The following FSTL4 variants were observed in gnomAD, a reference collection of about 807,000 sequenced individuals.
FSTL4 encodes follistatin like 4, also known as follistatin-related protein 4.
Under a neutral mutation model 78.2 loss-of-function variants are expected in FSTL4, and 28 were observed. That is an observed-to-expected ratio of 0.36 (90% CI 0.27 to 0.49). The LOEUF is 0.49. Among genes scored for constraint, FSTL4 ranks in the 20% least tolerant of loss-of-function variants. The pLI, the probability that FSTL4 is intolerant of heterozygous loss-of-function variation, is 0.98. For missense variants in FSTL4, 922 were observed against 1,084.9 expected, an observed-to-expected ratio of 0.85 and a Z score of 2.11; for synonymous variants, 422 against 440.5, an observed-to-expected ratio of 0.96 and a Z score of 0.53.
intron 3 of FSTL4, among the ~76,000 whole-genome samples, chr5:133,562,646 C>T (rs969417127): frequency 2.6e-5 from 4 of 152,172 alleles, no homozygotes; most frequent in African/African-American, 9.7e-5. Context: ...AGGGCTGGAA[C>T]ATGTGCGGGA....
At chr5:133,707,243 T>A in the FSTL4 span, among the ~76,000 whole-genome samples, 1 of 152,118 alleles carries the variant, frequency 6.6e-6, no homozygotes, top group East Asian at 1.9e-4. Flanking sequence ...TCCTCCAGGA[T>A]CCTGCCCACC....
At chr5:133,389,472 C>T (rs1755786738) in intron 4 of FSTL4, among the ~76,000 whole-genome samples, 1 of 152,216 alleles carries the variant, frequency 6.6e-6, no homozygotes, top group South Asian at 2.1e-4. Flanking sequence ...AGCAAGCTCA[C>T]TCTCTGCGGA....
chr5:133,675,946 A>G, the FSTL4 span, among the ~76,000 whole-genome samples: 1 of 152,062 alleles, frequency 6.6e-6, no homozygotes, highest in East Asian at 1.9e-4. Context: ...AGGCCCTGGG[A>G]CCAATGGGAA....
chr5:133,368,852 T>G (rs1755230769), intron 4 of FSTL4, among the ~76,000 whole-genome samples: 2 of 152,212 alleles, frequency 1.3e-5, no homozygotes, highest in Admixed American at 6.5e-5. Flanking sequence ...ACTGTGGACA[T>G]GTTGGTTTGT....
chr5:133,311,830 A>G (rs946363790), intron 6 of FSTL4, among the ~76,000 whole-genome samples: 2 of 152,200 alleles, frequency 1.3e-5, no homozygotes, highest in African/African-American at 4.8e-5. Context: ...CACTTTAAGC[A>G]GAGCTTGAAC....
At chr5:133,368,086 C>T (rs1215875973) in intron 4 of FSTL4, among the ~76,000 whole-genome samples, 2 of 152,244 alleles carry the variant, frequency 1.3e-5, no homozygotes, top group African/African-American at 4.8e-5. Flanking sequence ...GAGGGGATTG[C>T]TAAGCCCTTG....
At chr5:133,206,464 C>T (rs367810996) in intron 14 of FSTL4, among the ~76,000 whole-genome samples, 7 of 152,098 alleles carry the variant, frequency 4.6e-5, no homozygotes, top group Admixed American at 2.0e-4. Flanking sequence ...TGGGTTCAAG[C>T]GATTCTCCTG....
At chr5:133,591,828 C>T (rs1760634152) in intron 2 of FSTL4, among the ~76,000 whole-genome samples, 1 of 152,100 alleles carries the variant, frequency 6.6e-6, no homozygotes, top group Admixed American at 6.5e-5. Flanking sequence ...AGACAGACTT[C>T]CAATGCCTCT....
chr5:133,764,932 C>T, the FSTL4 span, among the ~76,000 whole-genome samples: 1 of 152,228 alleles, frequency 6.6e-6, no homozygotes, highest in East Asian at 1.9e-4. Flanking sequence ...ACATCCACAT[C>T]AGACTTGCAA....
chr5:133,570,165 C>T (rs574000653), intron 2 of FSTL4, among the ~76,000 whole-genome samples: 181 of 150,752 alleles, frequency 1.2e-3, no homozygotes, highest in Non-Finnish European at 2.2e-3. Context: ...GCCGAGATCG[C>T]GCCACTGCAC....
intron 6 of FSTL4, among the ~76,000 whole-genome samples, chr5:133,262,844 T>A (rs555700093): frequency 2.6e-5 from 4 of 152,022 alleles, no homozygotes; most frequent in Non-Finnish European, 5.9e-5. Flanking sequence ...CTGACTGGCA[T>A]CAGGTGGTGT....
chr5:133,402,727 A>G (rs1756262698), intron 3 of FSTL4, among the ~76,000 whole-genome samples: 1 of 152,262 alleles, frequency 6.6e-6, no homozygotes, highest in Non-Finnish European at 1.5e-5. Flanking sequence ...AAATTCCTCC[A>G]GCCTTGGCAA....
chr5:133,538,912 C>T (rs1206214461), intron 3 of FSTL4, among the ~76,000 whole-genome samples: 1 of 152,062 alleles, frequency 6.6e-6, no homozygotes, highest in Non-Finnish European at 1.5e-5. Flanking sequence ...GCTTGTTGAG[C>T]GTCTCTCTTT....
the FSTL4 span, among the ~76,000 whole-genome samples, chr5:133,696,840 G>T: frequency 6.6e-6 from 1 of 152,202 alleles, no homozygotes. Flanking sequence ...GTAGATAGGG[G>T]TCTGAAAATT....
chr5:133,531,191 G>A (rs879892494), intron 3 of FSTL4, among the ~76,000 whole-genome samples: 1 of 152,082 alleles, frequency 6.6e-6, no homozygotes, highest in African/African-American at 2.4e-5. Context: ...TCTTTCCATC[G>A]AAATCTTAGC....
intron 3 of FSTL4, among the ~76,000 whole-genome samples, chr5:133,408,227 T>C (rs539545820): frequency 6.6e-6 from 1 of 152,248 alleles, no homozygotes; most frequent in South Asian, 2.1e-4. Flanking sequence ...GAGGGAGGAC[T>C]TGCCACCCTC....
chr5:133,229,298 G>A (rs1281945476), intron 8 of FSTL4, among the ~76,000 whole-genome samples: 2 of 152,202 alleles, frequency 1.3e-5, no homozygotes, highest in African/African-American at 4.8e-5. Flanking sequence ...GAGGTGGGCG[G>A]ATCGCTCGAG....
chr5:133,226,240 T>C (rs1020774914), intron 8 of FSTL4, among the ~76,000 whole-genome samples: 2 of 152,246 alleles, frequency 1.3e-5, no homozygotes, highest in African/African-American at 2.4e-5. Context: ...AAAGCACTTA[T>C]GGCACTGACT....
chr5:133,751,077 A>C, the FSTL4 span, among the ~76,000 whole-genome samples: 3 of 149,588 alleles, frequency 2.0e-5, no homozygotes, highest in South Asian at 2.1e-4. Context: ...CACCCCACCC[A>C]CCTCTGCATG....
Sources: gnomAD v4.1 joint callset for allele counts (sites outside exome capture counted in the v4.1 genomes callset) on GRCh38, gnomAD v4.1.1 for gene constraint, MANE v1.5 for transcripts, NCBI Gene and HGNC (gene_info 2026-07-23, HGNC 2026-07-21) for gene names.